Variants in RMST observed in about 807,000 individuals in gnomAD.
RMST encodes long intergenic non-protein coding RNA 54.
intron 11 of RMST, chr12:97,533,048 G>T (rs982129128): frequency 1.3e-5 from 2 of 151,738 alleles, no homozygotes; most frequent in African/African-American, 4.8e-5. Context: ...GTGGTATGCT[G>T]CTTTAGAAGG....
rs1375719277 is a variant in RMST, at chr12:97,469,176, GTGTGTATGTGTGTA to G, written n.644+3451_644+3464del. Among the ~76,000 whole-genome samples the G allele has an allele frequency of 1.5e-3, 208 of 138,376 alleles. 2 individuals are homozygous for G. Among genetic ancestry groups the G allele is most frequent in the African/African-American group, 5.6e-3 (198 of 35,072 alleles). The allele number at this position is 138,376 out of a possible 152,430, so 90.8% of individuals were successfully genotyped here. A position where few individuals can be genotyped will look rare whatever the true frequency, so the allele number is the denominator to read the frequency against. On this transcript the variant is annotated intron_variant and non_coding_transcript_variant, in intron 5 of 13. Transcript: ENST00000640149. ...TGTGTGTGTGTGTGTGTGTGTGTGT[GTGTGTATGTGTGTA>G]TATATATACACATTTACTATATATA...
chr12:97,509,604 C>T (rs1474144608), intron 10 of RMST, among the ~76,000 whole-genome samples: 1 of 152,112 alleles, frequency 6.6e-6, no homozygotes, highest in Non-Finnish European at 1.5e-5. Context: ...CTTTCCCCAT[C>T]TCTCTCCCTC....
chr12:97,505,121 A>T (rs1878524080), intron 10 of RMST, among the ~76,000 whole-genome samples: 1 of 152,238 alleles, frequency 6.6e-6, no homozygotes, highest in African/African-American at 2.4e-5. Flanking sequence ...AATAAGTGAA[A>T]TTTAGTGTCT....
rs1411075545 is a variant in RMST, at chr12:97,529,881, G to T, written n.1341-774G>T. ...TTGAAGGAAAAATTTGTATTAAAAT[G>T]TAATTGTATCTTCCCCCAGCTTAAA... On this transcript the variant is annotated intron_variant and non_coding_transcript_variant, in intron 10 of 13. Coordinates refer to ENST00000640149, the Ensembl canonical transcript of RMST. Among the ~76,000 whole-genome samples the T allele has an allele frequency of 2.6e-5, 4 of 152,196 alleles. No homozygotes were observed. The South Asian group carries it at 6.2e-4, about 24-fold the overall frequency.
intron 11 of RMST, among the ~76,000 whole-genome samples, chr12:97,549,362 G>A (rs1196429520): frequency 6.6e-6 from 1 of 152,146 alleles, no homozygotes; most frequent in Non-Finnish European, 1.5e-5. Context: ...GAGCATATGG[G>A]CAATCAAAAT....
At chr12:97,508,097 A>T (rs1565926706) in intron 10 of RMST, among the ~76,000 whole-genome samples, 3 of 152,180 alleles carry the variant, frequency 2.0e-5, no homozygotes, top group Non-Finnish European at 4.4e-5. Context: ...TACCTCAGAG[A>T]GAGTGAATTA....
chr12:97,490,844 C>T (rs921154155), intron 5 of RMST, among the ~76,000 whole-genome samples: 1 of 152,016 alleles, frequency 6.6e-6, no homozygotes, highest in Admixed American at 6.6e-5. Flanking sequence ...TTGCACCCAG[C>T]GAAAGGGGAT....
At position 97,527,524 on chromosome 12, in the gene RMST, G is replaced by A. The variant is rs565337473; in HGVS notation, n.1341-3131G>A. Among the ~76,000 whole-genome samples, 5 of 152,274 alleles carry A rather than the reference G, an allele frequency of 3.3e-5. No individual in the cohort carries two copies. The East Asian group carries it at 5.8e-4, about 18-fold the overall frequency. The stretch of plus-strand genomic sequence containing the variant: ...GCCCCACATTAGAAAATAAAAGTAA[G>A]AGTGCTAAGAAAAGTAAGAGTGCTG... On this transcript the variant is annotated intron_variant and non_coding_transcript_variant, in intron 10 of 13. Transcript: ENST00000640149.
chr12:97,550,603 A>T (rs1883243717), intron 11 of RMST, among the ~76,000 whole-genome samples: 1 of 152,236 alleles, frequency 6.6e-6, no homozygotes, highest in African/African-American at 2.4e-5. Context: ...AGTAATTGCA[A>T]AGTTAAATTT....
At chr12:97,563,425 G>A (rs538979101) in intron 13 of RMST, 1 of 226,354 alleles carries the variant, frequency 4.4e-6, no homozygotes, top group African/African-American at 2.4e-5. Flanking sequence ...AAGCTTTCTG[G>A]GGAAAAGTTG....
intron 5 of RMST, among the ~76,000 whole-genome samples, chr12:97,475,484 G>A (rs1242831173): frequency 1.3e-5 from 2 of 151,966 alleles, no homozygotes; most frequent in African/African-American, 2.4e-5. Context: ...GACCTACTAC[G>A]ACCATGGACC....
intron 10 of RMST, among the ~76,000 whole-genome samples, chr12:97,521,357 A>G (rs1880490297): frequency 6.6e-6 from 1 of 152,156 alleles, no homozygotes; most frequent in South Asian, 2.1e-4. Context: ...GAGTTATGAA[A>G]AAGTCTCTCT....
intron 5 of RMST, among the ~76,000 whole-genome samples, chr12:97,470,822 T>G (rs1873823014): frequency 1.3e-5 from 2 of 152,018 alleles, no homozygotes; most frequent in Non-Finnish European, 2.9e-5. Flanking sequence ...TCATAAAAGT[T>G]GCTGACCACC....
intron 10 of RMST, among the ~76,000 whole-genome samples, chr12:97,522,425 G>A (rs958789839): frequency 6.6e-6 from 1 of 152,150 alleles, no homozygotes; most frequent in Non-Finnish European, 1.5e-5. Context: ...TAGGCCGTGT[G>A]GGTTGAGATA....
At chr12:97,560,717 C>T (rs1435097013) in intron 12 of RMST, 2 of 152,178 alleles carry the variant, frequency 1.3e-5, no homozygotes, top group Non-Finnish European at 2.9e-5. Context: ...TTCATTTCAT[C>T]TGTCAGTGGC....
chr12:97,509,315 G>T (rs1449707488), intron 10 of RMST, among the ~76,000 whole-genome samples: 1 of 152,188 alleles, frequency 6.6e-6, no homozygotes, highest in African/African-American at 2.4e-5. Context: ...ATTGAAATTT[G>T]TTGAAGTCTG....
At chr12:97,470,162 A>G (rs1329288845) in intron 5 of RMST, among the ~76,000 whole-genome samples, 1 of 152,094 alleles carries the variant, frequency 6.6e-6, no homozygotes, top group Non-Finnish European at 1.5e-5. Context: ...TAAATCCCCA[A>G]GTTCTTTTAT....
chr12:97,501,038 A>G (rs1431070213), intron 10 of RMST, among the ~76,000 whole-genome samples: 5 of 152,214 alleles, frequency 3.3e-5, no homozygotes, highest in Non-Finnish European at 5.9e-5. Context: ...GTCTGTGCCT[A>G]TTTTGTGGTG....
intron 11 of RMST, among the ~76,000 whole-genome samples, chr12:97,559,088 T>TTCTCTCTCTCTCTCTCTCTCTC (rs56136727): frequency 6.8e-6 from 1 of 146,564 alleles, no homozygotes; most frequent in Non-Finnish European, 1.5e-5. Flanking sequence ...ATTTCGAGGT[T>TTCTCTCTCTCTCTCTCTCTCTC]TCTCTCTCTC....
Sources: gnomAD v4.1 joint callset for allele counts (sites outside exome capture counted in the v4.1 genomes callset) on GRCh38, gnomAD v4.1.1 for gene constraint, MANE v1.5 for transcripts, NCBI Gene and HGNC (gene_info 2026-07-23, HGNC 2026-07-21) for gene names.